Variants in ASTN1 observed in about 807,000 individuals in gnomAD.
ASTN1 encodes astrotactin-1.
In ASTN1, 41 loss-of-function variants were observed where a neutral mutation model predicts 140.7. That is an observed-to-expected ratio of 0.29 (90% CI 0.23 to 0.38). The LOEUF (loss-of-function observed/expected upper bound fraction) is 0.38. Ranked by LOEUF, ASTN1 falls within the 10% of genes least tolerant of loss-of-function variation. The pLI, the probability that ASTN1 is intolerant of heterozygous loss-of-function variation, is 1.00. For synonymous variants in ASTN1, 640 were observed against 652.2 expected (o/e 0.98, Z 0.29); for missense variants, 1,479 against 1,678.8 (o/e 0.88, Z 2.08).
intron 3 of ASTN1, among the ~76,000 whole-genome samples, chr1:177,032,193 C>T (rs2101975969): frequency 6.6e-6 from 1 of 152,332 alleles, no homozygotes; most frequent in Middle Eastern, 3.4e-3. Context: ...TAACTCACTC[C>T]TCTGTTGAAC....
chr1:177,119,986 G>C (rs1373811147), intron 1 of ASTN1, among the ~76,000 whole-genome samples: 1 of 152,156 alleles, frequency 6.6e-6, no homozygotes, highest in Non-Finnish European at 1.5e-5. Context: ...TGGTCCACTA[G>C]AGTGTCAGGC....
At chr1:177,027,347 C>T (rs1327967575) in intron 5 of ASTN1, among the ~76,000 whole-genome samples, 3 of 152,036 alleles carry the variant, frequency 2.0e-5, no homozygotes, top group African/African-American at 7.2e-5. Context: ...TGCCACTGCT[C>T]TCATGTGATT....
intron 21 of ASTN1, among the ~76,000 whole-genome samples, chr1:176,872,239 G>A (rs989085432): frequency 1.2e-4 from 18 of 150,334 alleles, no homozygotes; most frequent in African/African-American, 4.4e-4. Context: ...GACATAGTAA[G>A]CTTGTATTTA....
At chr1:177,157,478 C>A (rs917330586) in intron 1 of ASTN1, among the ~76,000 whole-genome samples, 13 of 152,138 alleles carry the variant, frequency 8.5e-5, no homozygotes. Context: ...CCATATCTAG[C>A]TAACTCTTGT....
intron 17 of ASTN1, among the ~76,000 whole-genome samples, chr1:176,888,560 G>A (rs1455923287): frequency 6.6e-6 from 1 of 152,126 alleles, no homozygotes; most frequent in African/African-American, 2.4e-5. Flanking sequence ...CACATCTTCT[G>A]GGTGGCTACT....
At chr1:176,890,410 C>A in intron 17 of ASTN1, among the ~76,000 whole-genome samples, 1 of 152,180 alleles carries the variant, frequency 6.6e-6, no homozygotes, top group African/African-American at 2.4e-5. Flanking sequence ...TCAACAAGAC[C>A]AGCCTGGATG....
At chr1:177,162,234 A>T (rs1647421184) in intron 1 of ASTN1, among the ~76,000 whole-genome samples, 1 of 152,232 alleles carries the variant, frequency 6.6e-6, no homozygotes, top group Non-Finnish European at 1.5e-5. Context: ...CTTTCTGCCC[A>T]GATCTGTTTA....
At chr1:177,149,790 A>G (rs1346729173) in intron 1 of ASTN1, among the ~76,000 whole-genome samples, 1 of 103,202 alleles carries the variant, frequency 9.7e-6, no homozygotes, top group Non-Finnish European at 1.8e-5. Context: ...AAATATATAT[A>G]CAGTGTATAT....
chr1:176,904,412 G>A (rs1669899249), intron 16 of ASTN1, among the ~76,000 whole-genome samples: 1 of 152,186 alleles, frequency 6.6e-6, no homozygotes, highest in African/African-American at 2.4e-5. Context: ...TCCGGGATGT[G>A]GAGATCTGTG....
intron 17 of ASTN1, among the ~76,000 whole-genome samples, chr1:176,893,831 T>C (rs999419493): frequency 3.9e-5 from 6 of 152,210 alleles, no homozygotes; most frequent in Non-Finnish European, 7.3e-5. Context: ...CTCTAATCTC[T>C]ATGTCCTTGA....
At chr1:177,082,533 C>A (rs1024366674) in intron 1 of ASTN1, among the ~76,000 whole-genome samples, 1 of 152,150 alleles carries the variant, frequency 6.6e-6, no homozygotes, top group Non-Finnish European at 1.5e-5. Flanking sequence ...GACACTCACA[C>A]AAAGGGTACA....
At chr1:177,008,377 AAGAG>A (rs928676279) in intron 8 of ASTN1, among the ~76,000 whole-genome samples, 1 of 151,228 alleles carries the variant, frequency 6.6e-6, no homozygotes, top group Non-Finnish European at 1.5e-5. Context: ...AGATAAAAGT[AAGAG>A]AGAGAGAAAG....
chr1:177,043,120 G>A (rs536340064), intron 2 of ASTN1, among the ~76,000 whole-genome samples: 11 of 152,236 alleles, frequency 7.2e-5, no homozygotes, highest in Non-Finnish European at 1.6e-4. Flanking sequence ...TAGATGTAAA[G>A]TGAAATCAAC....
chr1:177,059,529 T>A (rs982870686), intron 2 of ASTN1, among the ~76,000 whole-genome samples: 7 of 152,240 alleles, frequency 4.6e-5, no homozygotes, highest in Non-Finnish European at 7.3e-5. Flanking sequence ...TCTGACCTTA[T>A]GTGGATATTA....
chr1:176,965,793 A>T (rs1198451710), intron 8 of ASTN1, among the ~76,000 whole-genome samples: 1 of 152,190 alleles, frequency 6.6e-6, no homozygotes, highest in African/African-American at 2.4e-5. Flanking sequence ...GATATTCAAC[A>T]TGTTTTCTTT....
rs1667961364 is a variant in ASTN1 at position 176,861,525 on chromosome 1, G to A, written c.*2759C>T. ...TTCCTTCAGGTAAGCATTAGGAAAAGTCAGCAGGTTGAGATCAATAGTGTC... is the reference window on the plus strand; with the variant it reads ...TTCCTTCAGGTAAGCATTAGGAAAAATCAGCAGGTTGAGATCAATAGTGTC... On this transcript the variant is annotated 3_prime_UTR_variant, in exon 23 of 23. Transcript: ENST00000361833. 1.0e-6 allele frequency: 1 copy of A among 985,874 alleles called. No individual in the cohort carries two copies. Among genetic ancestry groups the A allele is most frequent in the African/African-American group, 1.7e-5 (1 of 57,356 alleles). The allele number at this position is 985,874 out of a possible 1,614,324, so 61.1% of individuals were successfully genotyped here.
chr1:176,901,865 C>T (rs1361065870), intron 16 of ASTN1, among the ~76,000 whole-genome samples: 1 of 152,200 alleles, frequency 6.6e-6, no homozygotes, highest in Non-Finnish European at 1.5e-5. Flanking sequence ...GTTCTTGTCC[C>T]TTCTCACAAA....
intron 11 of ASTN1, among the ~76,000 whole-genome samples, chr1:176,956,140 G>A (rs1672390445): frequency 6.6e-6 from 1 of 152,110 alleles, no homozygotes; most frequent in Admixed American, 6.5e-5. Context: ...TTTGGGAGAC[G>A]TGACCTAAAG....
intron 1 of ASTN1, among the ~76,000 whole-genome samples, chr1:177,110,376 A>G (rs570396753): frequency 6.6e-6 from 1 of 152,238 alleles, no homozygotes; most frequent in Non-Finnish European, 1.5e-5. Context: ...AGACCAATAC[A>G]TCATTGTACC....
Sources: allele counts gnomAD v4.1 joint callset (sites outside exome capture counted in the v4.1 genomes callset), GRCh38; gene constraint gnomAD v4.1.1; transcripts MANE v1.5; gene names NCBI Gene and HGNC (gene_info 2026-07-23, HGNC 2026-07-21).